Variants in PTGFR observed in about 807,000 individuals in gnomAD.
PTGFR encodes the protein prostaglandin F receptor.
In PTGFR, 15 loss-of-function variants were observed where a neutral mutation model predicts 26.2. The observed-to-expected ratio is 0.57, with a 90% CI of 0.38 to 0.88. PTGFR has a LOEUF of 0.88. Ranked by LOEUF, PTGFR falls within the 40% of genes least tolerant of loss-of-function variation. The pLI, the probability that PTGFR is intolerant of heterozygous loss-of-function variation, is 0.00. For missense variants in PTGFR, 369 were observed against 427.2 expected (o/e 0.86, Z 1.20); for synonymous variants, 165 against 151.1 (o/e 1.09, Z -0.68).
chr1:78,528,481 G>T (rs140616231), intron 2 of PTGFR, among the ~76,000 whole-genome samples: 182 of 152,074 alleles, frequency 1.2e-3, no homozygotes, highest in African/African-American at 4.0e-3. Flanking sequence ...TCTTTAACTA[G>T]ACTCATATTA....
At chr1:78,532,390 A>ATATATATATATATGTATATATG (rs1317673207) in intron 2 of PTGFR, 2 of 132,074 alleles carry the variant, frequency 1.5e-5, no homozygotes, top group South Asian at 3.0e-4. Context: ...ATATATATAT[A>ATATATATATATATGTATATATG]TATATATGTA....
chr1:78,526,918 T>C (rs1331578279), intron 2 of PTGFR, among the ~76,000 whole-genome samples: 3 of 152,150 alleles, frequency 2.0e-5, no homozygotes, highest in East Asian at 1.9e-4. Flanking sequence ...ATCTGTTTTA[T>C]AGAAGGCATA....
chr1:78,532,364 T>TTTTATATA (rs533163867), intron 2 of PTGFR: 1 of 85,220 alleles, frequency 1.2e-5, no homozygotes, highest in East Asian at 3.4e-4. Context: ...GTAAATTCAT[T>TTTTATATA]TATATATATA....
intron 2 of PTGFR, among the ~76,000 whole-genome samples, chr1:78,526,549 C>T (rs147357041): frequency 1.3e-5 from 2 of 152,186 alleles, no homozygotes; most frequent in African/African-American, 4.8e-5. Context: ...AGGATGAGAA[C>T]ACTAGTGATT....
chr1:78,532,364 TTATATATATATATATATATA>T (rs200848855), intron 2 of PTGFR: 6 of 85,226 alleles, frequency 7.0e-5, no homozygotes, highest in South Asian at 5.1e-4. Flanking sequence ...GTAAATTCAT[TTATATATATATATATATATA>T]TATATATATA....
chr1:78,536,509 C>A lies in PTGFR; in HGVS notation c.902C>A (p.Pro301His), dbSNP rs1184674141. Residue 301 changes from proline (P) to histidine (H), a missense_variant, in exon 3 of 3, where the codon CCT becomes CAT. By Grantham distance (77) the Pro-to-His change is moderately conservative (BLOSUM62 -2). Transcript: ENST00000370757. ...GCAACATGGAATCAAATCTTAGATC[C>A]TTGGGTATATATTCTTCTACGAAAG... ...RMATWNQILDPWVYILLRKAV... is the reference protein window; with the variant it reads ...RMATWNQILDHWVYILLRKAV... 1 of 1,613,054 alleles carries A rather than the reference C, an allele frequency of 6.2e-7. No homozygotes were observed. The highest frequency in any genetic ancestry group is 1.3e-5 in the African/African-American group (1 of 74,852).
At chr1:78,534,238 G>A (rs1271036401) in intron 2 of PTGFR, among the ~76,000 whole-genome samples, 3 of 152,154 alleles carry the variant, frequency 2.0e-5, no homozygotes, top group Non-Finnish European at 4.4e-5. Context: ...GAATACAAGT[G>A]CGGGTGGGCT....
chr1:78,511,272 C>T (rs1396970556), intron 2 of PTGFR, among the ~76,000 whole-genome samples: 1 of 152,228 alleles, frequency 6.6e-6, no homozygotes, highest in Non-Finnish European at 1.5e-5. Context: ...GGGGGCCCTT[C>T]CCCTGCAGCA....
rs1363386662 is a variant in PTGFR, at chr1:78,491,171, A to C, written c.-138A>C. ...TGAGGCAGCGGCGGCGCGGGGCGCCATGGCACACCGAGCGGCTCCGTCTTC... is the reference window on the plus strand; with the variant it reads ...TGAGGCAGCGGCGGCGCGGGGCGCCCTGGCACACCGAGCGGCTCCGTCTTC... On this transcript the variant is annotated 5_prime_UTR_variant, in exon 1 of 3. An upstream start codon of the reference 5' UTR is lost. Coordinates refer to ENST00000370757, the MANE Select transcript of PTGFR (RefSeq NM_000959.4). The C allele has an allele frequency of 2.6e-5, 4 of 152,374 alleles. No homozygotes were observed. Among genetic ancestry groups the C allele is most frequent in the African/African-American group, 9.6e-5 (4 of 41,458 alleles). The allele number at this position is 152,374 out of a possible 1,614,324, so 9.4% of individuals were successfully genotyped here.
intron 2 of PTGFR, among the ~76,000 whole-genome samples, chr1:78,529,007 A>G (rs1246533491): frequency 6.6e-6 from 1 of 152,150 alleles, no homozygotes; most frequent in Non-Finnish European, 1.5e-5. Flanking sequence ...GGCACAAAAG[A>G]CCTACACACA....
In PTGFR at chr1:78,492,702, A is replaced by T. The variant is rs1197646074; in HGVS notation, c.-42A>T. On this transcript the variant is annotated 5_prime_UTR_variant, in exon 2 of 3. An upstream open reading frame in the 5' UTR gains an earlier in-frame stop. Coordinates refer to ENST00000370757, the MANE Select transcript of PTGFR (RefSeq NM_000959.4). ...TGGACTGCAATCCTGCACAGTTTTG[A>T]GAGGGAGATGACTTGAGTGGTTGGC... 6.4e-7 allele frequency: 1 copy of T among 1,552,314 alleles called. No individual in the cohort carries two copies. Among genetic ancestry groups the T allele is most frequent in the Non-Finnish European group, 8.8e-7 (1 of 1,142,838 alleles).
At chr1:78,509,736 G>C (rs571006935) in intron 2 of PTGFR, among the ~76,000 whole-genome samples, 3 of 152,210 alleles carry the variant, frequency 2.0e-5, no homozygotes, top group African/African-American at 7.2e-5. Context: ...CAATTTAGAT[G>C]GTCTGTATAA....
chr1:78,497,722 T>G (rs1649593139), intron 2 of PTGFR: 1 of 619,848 alleles, frequency 1.6e-6, no homozygotes, highest in Non-Finnish European at 2.9e-6. Flanking sequence ...AGTATATGGA[T>G]TCTGAGTTTT....
intron 2 of PTGFR, among the ~76,000 whole-genome samples, chr1:78,500,519 G>A (rs1269334024): frequency 6.6e-6 from 1 of 152,148 alleles, no homozygotes; most frequent in Non-Finnish European, 1.5e-5. Flanking sequence ...GGATATTTCC[G>A]AAGGTCCATT....
intron 2 of PTGFR, among the ~76,000 whole-genome samples, chr1:78,526,347 C>T (rs1195050522): frequency 6.6e-6 from 1 of 152,046 alleles, no homozygotes; most frequent in East Asian, 1.9e-4. Flanking sequence ...AATGAGATCA[C>T]TGGATCCTGC....
chr1:78,532,342 T>G, intron 2 of PTGFR: 1 of 149,378 alleles, frequency 6.7e-6, no homozygotes, highest in African/African-American at 2.8e-5. Flanking sequence ...AACTGGAAGT[T>G]TATGCCGTCA....
intron 2 of PTGFR, among the ~76,000 whole-genome samples, 164 bp downstream of exon 2, chr1:78,493,705 T>TA (rs1179636954): frequency 6.6e-6 from 1 of 152,260 alleles, no homozygotes; most frequent in African/African-American, 2.4e-5. Flanking sequence ...CACATATGGT[T>TA]ACTTTCCCAC....
At chr1:78,533,870 G>A (rs539525740) in intron 2 of PTGFR, among the ~76,000 whole-genome samples, 12 of 152,200 alleles carry the variant, frequency 7.9e-5, no homozygotes, top group Admixed American at 4.6e-4. Flanking sequence ...ATTGTTTTAC[G>A]TGGCCCAAAT....
intron 2 of PTGFR, among the ~76,000 whole-genome samples, chr1:78,503,296 C>T (rs552829588): frequency 4.0e-5 from 6 of 151,498 alleles, no homozygotes; most frequent in Non-Finnish European, 7.4e-5. Context: ...ATAAGGAAAC[C>T]GACTCAGGAT....
Sources: allele counts gnomAD v4.1 joint callset (sites outside exome capture counted in the v4.1 genomes callset), GRCh38; gene constraint gnomAD v4.1.1; transcripts MANE v1.5; gene names NCBI Gene and HGNC (gene_info 2026-07-23, HGNC 2026-07-21).